The following VPS13B variants were observed in gnomAD, a reference collection of about 807,000 sequenced individuals.
VPS13B encodes the protein intermembrane lipid transfer protein VPS13B.
Under a neutral mutation model 426.4 loss-of-function variants are expected in VPS13B, and 285 were observed. The observed-to-expected ratio is 0.67, with a 90% CI of 0.61 to 0.74. VPS13B has a LOEUF of 0.74. Among genes scored for constraint, VPS13B ranks in the 30% least tolerant of loss-of-function variants. The probability of loss-of-function intolerance (pLI) is 0.00; values close to 1 mark genes in which losing one functional copy is unlikely to be tolerated. For synonymous variants in VPS13B, 1,676 were observed against 1,676.4 expected, an observed-to-expected ratio of 1.00 and a Z score of 0.01; for missense variants, 4,537 against 4,782.6, an observed-to-expected ratio of 0.95 and a Z score of 1.51.
chr8:99,377,907 A>G (rs1434071118), intron 19 of VPS13B, among the ~76,000 whole-genome samples: 2 of 152,230 alleles, frequency 1.3e-5, no homozygotes, highest in Non-Finnish European at 2.9e-5. Flanking sequence ...TCACAAGGTC[A>G]GGGTGAAACT....
intron 36 of VPS13B, among the ~76,000 whole-genome samples, chr8:99,715,168 A>G (rs895678760): frequency 6.6e-6 from 1 of 151,918 alleles, no homozygotes; most frequent in African/African-American, 2.4e-5. Context: ...TTTATGTTAC[A>G]GTGGTAAAAA....
At chr8:99,765,620 G>A (rs1056389105) in intron 39 of VPS13B, among the ~76,000 whole-genome samples, 26 of 152,236 alleles carry the variant, frequency 1.7e-4, no homozygotes, top group African/African-American at 5.5e-4. Context: ...TCCCACAAGC[G>A]TGATGCAGAA....
chr8:99,319,422 G>A (rs1301383384), intron 19 of VPS13B, among the ~76,000 whole-genome samples: 5 of 152,180 alleles, frequency 3.3e-5, no homozygotes, highest in Admixed American at 6.5e-5. Context: ...GTATTTAGAT[G>A]TAAAATTGAG....
chr8:99,289,904 C>G (rs1303147764), intron 19 of VPS13B, among the ~76,000 whole-genome samples: 1 of 152,068 alleles, frequency 6.6e-6, no homozygotes, highest in Admixed American at 6.6e-5. Flanking sequence ...CTTTCAAGAT[C>G]ATTTCTAGTC....
At chr8:99,288,380 C>A (rs1357330858) in intron 19 of VPS13B, among the ~76,000 whole-genome samples, 1 of 151,872 alleles carries the variant, frequency 6.6e-6, no homozygotes, top group African/African-American at 2.4e-5. Flanking sequence ...AAAAATATTT[C>A]TTCTCCAGAA....
At chr8:99,505,056 C>G (rs1205008054) in intron 27 of VPS13B, among the ~76,000 whole-genome samples, 1 of 152,230 alleles carries the variant, frequency 6.6e-6, no homozygotes, top group Non-Finnish European at 1.5e-5. Context: ...GAACTAACTT[C>G]TGCTAGCTTC....
At chr8:99,089,322 T>C (rs1189072609) in intron 3 of VPS13B, among the ~76,000 whole-genome samples, 1 of 152,168 alleles carries the variant, frequency 6.6e-6, no homozygotes, top group African/African-American at 2.4e-5. Context: ...TCCTTCCTTC[T>C]GTTTGTAAAC....
At chr8:99,726,553 G>GT (rs553820053) in intron 39 of VPS13B, among the ~76,000 whole-genome samples, 108 of 152,264 alleles carry the variant, frequency 7.1e-4, no homozygotes, top group African/African-American at 2.2e-3. Flanking sequence ...ATCTGTCATG[G>GT]TTCTTGGCCA....
chr8:99,523,866 G>C (rs1162657926), intron 30 of VPS13B, among the ~76,000 whole-genome samples: 2 of 152,042 alleles, frequency 1.3e-5, no homozygotes, highest in Non-Finnish European at 2.9e-5. Flanking sequence ...AACCATTGAG[G>C]AAAACATGAG....
intron 19 of VPS13B, among the ~76,000 whole-genome samples, chr8:99,297,879 T>G (rs1820130291): frequency 6.6e-6 from 1 of 152,234 alleles, no homozygotes; most frequent in Non-Finnish European, 1.5e-5. Context: ...AGCATCCTGT[T>G]GTTGGCTGTC....
At chr8:99,358,282 T>A (rs1282816581) in intron 19 of VPS13B, among the ~76,000 whole-genome samples, 2 of 152,198 alleles carry the variant, frequency 1.3e-5, no homozygotes, top group Non-Finnish European at 2.9e-5. Flanking sequence ...AATAAAAATG[T>A]TAATCTGAGG....
At chr8:99,220,780 C>CTTTTTTTTTTTTTT (rs5893485) in intron 17 of VPS13B, among the ~76,000 whole-genome samples, 2 of 112,956 alleles carry the variant, frequency 1.8e-5, no homozygotes, top group Non-Finnish European at 3.5e-5. Flanking sequence ...TAGTTTTATT[C>CTTTTTTTTTTTTTT]TTTTTTTTTT....
intron 30 of VPS13B, among the ~76,000 whole-genome samples, chr8:99,539,452 A>G (rs1394736280): frequency 6.6e-6 from 1 of 152,246 alleles, no homozygotes; most frequent in Admixed American, 6.5e-5. Context: ...TTATTGATAC[A>G]TAATAAAAAT....
chr8:99,709,500 T>A (rs886491879), intron 36 of VPS13B, among the ~76,000 whole-genome samples: 6 of 152,244 alleles, frequency 3.9e-5, no homozygotes, highest in African/African-American at 1.4e-4. Context: ...TATGTCAGTA[T>A]TCAAACAAAG....
Position 99,818,448 on chromosome 8 carries a change from C to T in VPS13B, c.8362-3C>T. 2.5e-6 allele frequency: 4 copies of T among 1,613,842 alleles called. No individual in the cohort carries two copies. The highest frequency in any genetic ancestry group is 3.4e-6 in the Non-Finnish European group (4 of 1,179,802). Reference sequence around the variant, plus strand: ...ATAGGACCCTTTGCTATTTCATGTGCAGGTGCCATCTTCAAACAGTTCCAT... The same window carrying T: ...ATAGGACCCTTTGCTATTTCATGTGTAGGTGCCATCTTCAAACAGTTCCAT... On this transcript the variant is annotated splice_region_variant and splice_polypyrimidine_tract_variant and intron_variant, in intron 45 of 61. Coordinates refer to ENST00000357162, the MANE Select transcript of VPS13B (RefSeq NM_152564.5).
chr8:99,708,016 A>T (rs554278082), intron 36 of VPS13B, among the ~76,000 whole-genome samples: 47 of 152,256 alleles, frequency 3.1e-4, no homozygotes, highest in East Asian at 9.6e-4. Context: ...TAACTTTTTT[A>T]AAAAAATTGA....
At chr8:99,738,464 T>A (rs1009395261) in intron 39 of VPS13B, among the ~76,000 whole-genome samples, 3 of 152,204 alleles carry the variant, frequency 2.0e-5, no homozygotes, top group African/African-American at 7.2e-5. Context: ...AATTACTGAA[T>A]TTTTTCTCTT....
intron 40 of VPS13B, among the ~76,000 whole-genome samples, chr8:99,774,711 A>G (rs1265667799): frequency 1.3e-5 from 2 of 152,188 alleles, no homozygotes; most frequent in Non-Finnish European, 2.9e-5. Context: ...TCAAATGTGT[A>G]AAACACATGT....
intron 30 of VPS13B, among the ~76,000 whole-genome samples, chr8:99,552,678 T>A (rs1254454133): frequency 6.6e-6 from 1 of 151,996 alleles, no homozygotes. Context: ...ACTGTTGCTT[T>A]AAAAAATATA....
Sources: allele counts gnomAD v4.1 joint callset (sites outside exome capture counted in the v4.1 genomes callset), GRCh38; gene constraint gnomAD v4.1.1; transcripts MANE v1.5; gene names NCBI Gene and HGNC (gene_info 2026-07-23, HGNC 2026-07-21).